The following PSMF1 variants were observed in gnomAD, a reference collection of about 807,000 sequenced individuals.
PSMF1 encodes proteasome inhibitor PI31 subunit.
A neutral mutation model predicts 29.3 loss-of-function variants in PSMF1; 30 were observed. The observed-to-expected ratio is 1.02, with a 90% CI of 0.77 to 1.39. The LOEUF (loss-of-function observed/expected upper bound fraction) is 1.39. Ranked by LOEUF, PSMF1 falls within the 40% of genes most tolerant of loss-of-function variation. The probability of loss-of-function intolerance (pLI) is 0.00; values close to 1 mark genes in which losing one functional copy is unlikely to be tolerated. For missense variants in PSMF1, 344 were observed against 357.5 expected (o/e 0.96, Z 0.31); for synonymous variants, 134 against 139.7 (o/e 0.96, Z 0.29).
chr20:1,114,039 G>A (rs2085993072), upstream of PSMF1, among the ~76,000 whole-genome samples: 1 of 152,182 alleles, frequency 6.6e-6, no homozygotes, highest in Non-Finnish European at 1.5e-5. Flanking sequence ...CAGGGGTGTG[G>A]GAGGACAGAG....
intron 4 of PSMF1, among the ~76,000 whole-genome samples, chr20:1,149,064 T>C (rs1027505804): frequency 1.3e-5 from 2 of 152,274 alleles, no homozygotes; most frequent in African/African-American, 4.8e-5. Flanking sequence ...TGCAAATCTC[T>C]TTAATGTCTG....
intron 3 of PSMF1, 148 bp from the exon 4 acceptor site, chr20:1,134,973 A>T: frequency 1.3e-6 from 1 of 769,494 alleles, no homozygotes; most frequent in Non-Finnish European, 2.2e-6. Context: ...CAGGTCCAGC[A>T]GGCGGCCTGT....
chr20:1,147,928 A>G (rs1849436170), intron 4 of PSMF1, among the ~76,000 whole-genome samples: 1 of 152,222 alleles, frequency 6.6e-6, no homozygotes, highest in South Asian at 2.1e-4. Flanking sequence ...GCTGCAGAGT[A>G]TTAATTATCC....
rs2086168356 is a variant in PSMF1 at position 1,127,163 on chromosome 20, A to G, written c.283-263A>G. Reference sequence around the variant, plus strand: ...AGATCAAAGTTGATGCATCAGTTCAACACCTCAATTACCATGCCTGAGCCC... The same window carrying G: ...AGATCAAAGTTGATGCATCAGTTCAGCACCTCAATTACCATGCCTGAGCCC... On this transcript the variant is annotated intron_variant, in intron 2 of 6. Transcript: ENST00000335877. The G allele has an allele frequency of 8.0e-6, 5 of 628,696 alleles. No individual in the cohort carries two copies. In the East Asian group the frequency reaches 8.4e-5, roughly 11 times the overall value. 38.9% of individuals were successfully genotyped at this position (628,696 alleles called of 1,614,324 possible).
chr20:1,140,396 A>G (rs1006424392), intron 4 of PSMF1, among the ~76,000 whole-genome samples: 1 of 152,204 alleles, frequency 6.6e-6, no homozygotes, highest in Non-Finnish European at 1.5e-5. Context: ...GGATATCTAC[A>G]TGCAAAAGAA....
chr20:1,142,336 T>A lies in PSMF1; in HGVS notation c.551+7030T>A, dbSNP rs1163371626. Among the ~76,000 whole-genome samples, 3 of 152,304 alleles carry A rather than the reference T, an allele frequency of 2.0e-5. No homozygotes were observed. The South Asian group carries it at 6.2e-4, about 32-fold the overall frequency. On this transcript the variant is annotated intron_variant, in intron 4 of 6. Coordinates refer to ENST00000335877, the MANE Select transcript of PSMF1 (RefSeq NM_006814.5). ...GCACAACGTGCAGGTTAGTTACATA[T>A]GTATACATGTGCCATGTTGGTGTGC...
intron 1 of PSMF1, among the ~76,000 whole-genome samples, chr20:1,124,853 A>C (rs1283152504): frequency 6.6e-6 from 1 of 152,264 alleles, no homozygotes. Flanking sequence ...ATAGTAATAT[A>C]ACTCTAAGGA....
rs1043246509 is a variant in PSMF1 at position 1,166,591 on chromosome 20, A to T, written c.*1511A>T. The T allele has an allele frequency of 3.2e-6, 1 of 310,292 alleles. No individual in the cohort carries two copies. Among genetic ancestry groups the T allele is most frequent in the Non-Finnish European group, 6.2e-6 (1 of 161,660 alleles). 19.2% of individuals were successfully genotyped at this position (310,292 alleles called of 1,614,324 possible). ...GCTGGGCCTGGGTGGGGAGGCTAGC[A>T]TGCGTGGCTCCCTGGGTATTTCTGT... On this transcript the variant is annotated 3_prime_UTR_variant, in exon 7 of 7. Transcript: ENST00000335877.
chr20:1,119,606 C>A (rs1471084545), intron 1 of PSMF1, among the ~76,000 whole-genome samples: 1 of 152,180 alleles, frequency 6.6e-6, no homozygotes, highest in Non-Finnish European at 1.5e-5. Flanking sequence ...GGGCCAGCCC[C>A]TCTTCTCCCA....
At chr20:1,156,817 T>G (rs1340719306) in intron 4 of PSMF1, among the ~76,000 whole-genome samples, 1 of 152,086 alleles carries the variant, frequency 6.6e-6, no homozygotes, top group Non-Finnish European at 1.5e-5. Context: ...ACTTCAAACA[T>G]CAGGTATAAA....
intron 4 of PSMF1, chr20:1,160,491 T>C (rs531516656): frequency 3.2e-5 from 7 of 216,882 alleles, no homozygotes; most frequent in Admixed American, 1.0e-4. Flanking sequence ...GATCAAAGAA[T>C]AGAGAGATAT....
intron 3 of PSMF1, among the ~76,000 whole-genome samples, chr20:1,134,458 T>C (rs968950228): frequency 6.6e-6 from 1 of 152,268 alleles, no homozygotes; most frequent in African/African-American, 2.4e-5. Flanking sequence ...TTATTTTACA[T>C]TTGTGAGCTT....
intron 4 of PSMF1, among the ~76,000 whole-genome samples, chr20:1,140,726 A>G (rs1031767853): frequency 6.6e-6 from 1 of 152,256 alleles, no homozygotes. Context: ...GCTTGTATCC[A>G]GAATATATAA....
At chr20:1,140,604 C>T (rs2086369048) in intron 4 of PSMF1, among the ~76,000 whole-genome samples, 1 of 152,112 alleles carries the variant, frequency 6.6e-6, no homozygotes, top group African/African-American at 2.4e-5. Context: ...ATAGACAAAT[C>T]AAACTTTGTC....
chr20:1,166,877 T>G lies in PSMF1; in HGVS notation c.*1797T>G, dbSNP rs1568486444. The G allele has an allele frequency of 6.6e-6, 1 of 152,626 alleles. No homozygotes were observed. The highest frequency in any genetic ancestry group is 2.4e-5 in the African/African-American group (1 of 41,360). The allele number at this position is 152,626 out of a possible 1,614,324, so 9.5% of individuals were successfully genotyped here. On this transcript the variant is annotated 3_prime_UTR_variant, in exon 7 of 7. Transcript: ENST00000335877. ...ACATCCTTTATTATAAAAGGAAGTA[T>G]TTAAAGGATGATAGAGACCATCAGA...
At chr20:1,127,569 A>T (rs2086175211) in intron 3 of PSMF1, 61 bp downstream of exon 3, 1 of 1,357,380 alleles carries the variant, frequency 7.4e-7, no homozygotes, top group South Asian at 1.2e-5. Context: ...GCAAGATATG[A>T]GGAATAGGGT....
At chr20:1,143,587 C>T (rs191908121) in intron 4 of PSMF1, among the ~76,000 whole-genome samples, 1 of 152,266 alleles carries the variant, frequency 6.6e-6, no homozygotes, top group Non-Finnish European at 1.5e-5. Context: ...TTCTTAGATA[C>T]AGCACTAAAT....
chr20:1,140,309 G>A (rs1315092713), intron 4 of PSMF1, among the ~76,000 whole-genome samples: 1 of 152,200 alleles, frequency 6.6e-6, no homozygotes, highest in East Asian at 1.9e-4. Flanking sequence ...TACATTCATA[G>A]GGAATTGATT....
intron 4 of PSMF1, among the ~76,000 whole-genome samples, chr20:1,139,758 C>G (rs1435934496): frequency 1.3e-4 from 1 of 7,494 alleles, no homozygotes; most frequent in African/African-American, 6.3e-4. Context: ...AAAAAAAAAA[C>G]GATAAAAATC....
Sources: allele counts gnomAD v4.1 joint callset (sites outside exome capture counted in the v4.1 genomes callset), GRCh38; gene constraint gnomAD v4.1.1; transcripts MANE v1.5; gene names NCBI Gene and HGNC (gene_info 2026-07-23, HGNC 2026-07-21).